POLN: variants seen among roughly 807,000 people sequenced by gnomAD.
The protein encoded by POLN is DNA polymerase nu.
A neutral mutation model predicts 113.5 loss-of-function variants in POLN; 108 were observed. The ratio of observed to expected loss-of-function variants is 0.95; its 90% confidence interval spans 0.81 to 1.12. POLN has a LOEUF of 1.12. POLN is among the 50% of genes most tolerant of loss of function. The pLI is 0.00. For missense variants in POLN, 1,097 were observed against 1,077.1 expected, an observed-to-expected ratio of 1.02 and a Z score of -0.26; for synonymous variants, 386 against 391.5, an observed-to-expected ratio of 0.99 and a Z score of 0.17.
chr4:2,184,954 G>A (rs1363168526), intron 7 of POLN, among the ~76,000 whole-genome samples: 2 of 152,104 alleles, frequency 1.3e-5, no homozygotes, highest in African/African-American at 2.4e-5. Context: ...TTGAAAACGG[G>A]TAAATAAAGG....
Position 2,072,158 on chromosome 4 carries a change from T to G in POLN, c.2659A>C (p.Thr887Pro). 6.2e-7 allele frequency: 1 copy of G among 1,611,766 alleles called. No individual in the cohort carries two copies. The highest frequency in any genetic ancestry group is 8.5e-7 in the Non-Finnish European group (1 of 1,179,056). The change falls in exon 26 of 26, where the codon ACC becomes CCC. Residue 887 changes from threonine (T) to proline (P), a missense_variant. Transcript: ENST00000511885. ...SLAAPGSPAS[T>P]QPPPLHFSPS... ...GAAAAATGCAGGGGTGGGGGCTGGG[T>G]GCTGGCAGGGGACCCAGGGGCAGCC...
chr4:2,143,950 A>C (rs1351469201), intron 16 of POLN, among the ~76,000 whole-genome samples: 2 of 152,124 alleles, frequency 1.3e-5, no homozygotes, highest in Admixed American at 6.5e-5. Flanking sequence ...TGTCCTTCAA[A>C]ACTGAAGTGC....
intron 2 of POLN, chr4:2,236,532 T>C: frequency 9.9e-7 from 1 of 1,007,258 alleles, no homozygotes; most frequent in Non-Finnish European, 1.5e-6. Flanking sequence ...TCCACTGTAT[T>C]GGGGCATTTG....
chr4:2,238,302 C>T (rs1272607355), intron 2 of POLN, among the ~76,000 whole-genome samples: 2 of 152,176 alleles, frequency 1.3e-5, no homozygotes, highest in East Asian at 3.9e-4. Context: ...AAACTTCCTG[C>T]CCCAAATCTA....
intron 19 of POLN, among the ~76,000 whole-genome samples, chr4:2,120,976 G>A (rs1006128925): frequency 5.3e-5 from 8 of 152,162 alleles, no homozygotes; most frequent in African/African-American, 1.9e-4. Context: ...TTGGGATTTT[G>A]CACATAGACA....
At chr4:2,129,426 T>A (rs1353968149) in intron 17 of POLN, among the ~76,000 whole-genome samples, 170 bp from the exon 18 acceptor site, 1 of 152,206 alleles carries the variant, frequency 6.6e-6, no homozygotes, top group Non-Finnish European at 1.5e-5. Context: ...TCTCACTTTG[T>A]TGCCCAGGCT....
chr4:2,230,723 A>G (rs562073310), intron 2 of POLN: 2 of 152,258 alleles, frequency 1.3e-5, no homozygotes, highest in East Asian at 3.9e-4. Flanking sequence ...TTGGCATTCC[A>G]TATTACGAAC....
chr4:2,178,814 G>A (rs992511900), intron 8 of POLN, among the ~76,000 whole-genome samples: 3 of 152,122 alleles, frequency 2.0e-5, no homozygotes, highest in African/African-American at 7.2e-5. Context: ...GTTTCACCAG[G>A]TTGGCTAGGT....
At chr4:2,159,077 A>G in intron 14 of POLN, 78 bp downstream of exon 14, 2 of 1,106,244 alleles carry the variant, frequency 1.8e-6, no homozygotes, top group Non-Finnish European at 2.8e-6. Context: ...GCCATTATGG[A>G]TTTGTGTTGA....
chr4:2,117,671 A>G (rs1432676420), intron 19 of POLN, among the ~76,000 whole-genome samples: 2 of 152,228 alleles, frequency 1.3e-5, no homozygotes, highest in African/African-American at 4.8e-5. Context: ...GGCCCATGGC[A>G]GCTCTGAATC....
At chr4:2,108,940 C>T (rs559751932) in intron 19 of POLN, among the ~76,000 whole-genome samples, 5 of 152,220 alleles carry the variant, frequency 3.3e-5, no homozygotes, top group Admixed American at 6.5e-5. Context: ...GCTTTTCCAC[C>T]GAGAGTGGTG....
intron 16 of POLN, among the ~76,000 whole-genome samples, chr4:2,145,703 A>G (rs1369870645): frequency 6.6e-6 from 1 of 152,214 alleles, no homozygotes; most frequent in Non-Finnish European, 1.5e-5. Flanking sequence ...AGGTGAGAAC[A>G]TGAGTCAGTC....
chr4:2,190,844 C>T (rs918820792), intron 7 of POLN, among the ~76,000 whole-genome samples: 6 of 152,040 alleles, frequency 3.9e-5, no homozygotes, highest in Non-Finnish European at 5.9e-5. Flanking sequence ...CAATTTAAAA[C>T]GACTTTCATC....
At chr4:2,232,198 T>C in intron 2 of POLN, 2 of 890,764 alleles carry the variant, frequency 2.2e-6, no homozygotes, top group South Asian at 1.8e-5. Flanking sequence ...TAAAACACTT[T>C]ATTCCTAATA....
intron 2 of POLN, among the ~76,000 whole-genome samples, chr4:2,237,320 TA>T (rs1734801398): frequency 6.6e-6 from 1 of 151,470 alleles, no homozygotes; most frequent in South Asian, 2.1e-4. Flanking sequence ...CCTGTAGTCC[TA>T]ACTACTCAGG....
At chr4:2,141,957 T>G (rs571252886) in intron 16 of POLN, among the ~76,000 whole-genome samples, 1 of 152,272 alleles carries the variant, frequency 6.6e-6, no homozygotes, top group South Asian at 2.1e-4. Context: ...CAAAGACTCT[T>G]TCAAAGTGTG....
chr4:2,200,011 C>T (rs2108760120), intron 5 of POLN, among the ~76,000 whole-genome samples: 1 of 152,190 alleles, frequency 6.6e-6, no homozygotes, highest in East Asian at 1.9e-4. Flanking sequence ...ATAAAACATT[C>T]CTACAGGAAA....
At chr4:2,076,239 T>C (rs1332975517) in intron 23 of POLN, 2 of 153,146 alleles carry the variant, frequency 1.3e-5, no homozygotes, top group African/African-American at 2.4e-5. Flanking sequence ...GGACGGGTCA[T>C]GGCTCCGGGC....
chr4:2,191,861 G>A (rs912475499), intron 7 of POLN, among the ~76,000 whole-genome samples: 1 of 152,056 alleles, frequency 6.6e-6, no homozygotes, highest in African/African-American at 2.4e-5. Context: ...GCCAGGCGCA[G>A]TGGGTCACTT....
Sources: gnomAD v4.1 joint callset for allele counts (sites outside exome capture counted in the v4.1 genomes callset) on GRCh38, gnomAD v4.1.1 for gene constraint, MANE v1.5 for transcripts, NCBI Gene and HGNC (gene_info 2026-07-23, HGNC 2026-07-21) for gene names.